The following SMARCC1 variants were observed in gnomAD, a reference collection of about 807,000 sequenced individuals.
SMARCC1 encodes the protein SWI/SNF complex subunit SMARCC1.
SMARCC1 carries 43 observed loss-of-function variants against 147.4 expected under a neutral mutation model. That is an observed-to-expected ratio of 0.29 (90% CI 0.23 to 0.38). SMARCC1 has a LOEUF of 0.38. Among genes scored for constraint, SMARCC1 ranks in the 10% least tolerant of loss-of-function variants. The pLI, the probability that SMARCC1 is intolerant of heterozygous loss-of-function variation, is 1.00. For missense variants in SMARCC1, 1,119 were observed against 1,381.1 expected (o/e 0.81, Z 3.01); for synonymous variants, 495 against 484.4 (o/e 1.02, Z -0.29).
chr3:47,767,189 GAAAAA>G (rs375076788), intron 2 of SMARCC1, among the ~76,000 whole-genome samples: 1 of 80,162 alleles, frequency 1.2e-5, no homozygotes, highest in African/African-American at 5.2e-5. Flanking sequence ...TCTCCAAAAA[GAAAAA>G]AAAAAAAAAA....
At chr3:47,768,817 T>C (rs921624665) in intron 2 of SMARCC1, among the ~76,000 whole-genome samples, 2 of 152,094 alleles carry the variant, frequency 1.3e-5, no homozygotes, top group African/African-American at 4.8e-5. Flanking sequence ...ATGGGTAAAA[T>C]GTTAACTGTA....
intron 11 of SMARCC1, 116 bp downstream of exon 11, chr3:47,701,162 T>A: frequency 1.3e-6 from 1 of 748,772 alleles, no homozygotes; most frequent in Non-Finnish European, 2.2e-6. Flanking sequence ...AAAGGGACAA[T>A]CTATTCATAC....
intron 18 of SMARCC1, among the ~76,000 whole-genome samples, chr3:47,671,197 A>AAAAAAAAAAAAACAC (rs1157129603): frequency 1.3e-4 from 8 of 62,368 alleles, no homozygotes; most frequent in South Asian, 4.5e-4. Flanking sequence ...AAAAAAAAAA[A>AAAAAAAAAAAAACAC]ACACACACAA....
In SMARCC1 at chr3:47,781,560, C is replaced by A. The variant is rs769792830; in HGVS notation, c.195+43G>T. The A allele has an allele frequency of 2.1e-5, 30 of 1,416,024 alleles. No individual in the cohort carries two copies. In the South Asian group the frequency reaches 4.1e-4, roughly 19 times the overall value. 87.7% of individuals were successfully genotyped at this position (1,416,024 alleles called of 1,614,324 possible). ...GCGAGGCCAGCTGCCGCCTCCGGCC[C>A]CGGTCGCGTGGTCTCCCGGCCCCCA... On this transcript the variant is annotated intron_variant, in intron 1 of 27. Coordinates refer to ENST00000254480, the MANE Select transcript of SMARCC1 (RefSeq NM_003074.4).
chr3:47,656,028 T>C (rs1348636820), intron 21 of SMARCC1, among the ~76,000 whole-genome samples: 3 of 152,036 alleles, frequency 2.0e-5, no homozygotes, highest in African/African-American at 7.2e-5. Flanking sequence ...CTGGCCAATA[T>C]GCTAAATTCC....
intron 21 of SMARCC1, among the ~76,000 whole-genome samples, chr3:47,647,067 C>T (rs1367161687): frequency 6.6e-6 from 1 of 152,122 alleles, no homozygotes; most frequent in Non-Finnish European, 1.5e-5. Context: ...CTCATTCTCA[C>T]ATAGATTTAG....
At chr3:47,592,215 T>A (rs1048851431) in intron 26 of SMARCC1, among the ~76,000 whole-genome samples, 10 of 152,320 alleles carry the variant, frequency 6.6e-5, no homozygotes, top group Non-Finnish European at 1.3e-4. Context: ...TTAGCCAACT[T>A]TTTCTATAAA....
intron 9 of SMARCC1, among the ~76,000 whole-genome samples, chr3:47,709,804 C>T (rs1369382451): frequency 6.6e-6 from 1 of 152,156 alleles, no homozygotes; most frequent in East Asian, 1.9e-4. Flanking sequence ...AGTGTCAAGT[C>T]GTCTTCTAGT....
At chr3:47,635,907 C>T in intron 23 of SMARCC1, 115 bp downstream of exon 23, 2 of 617,676 alleles carry the variant, frequency 3.2e-6, no homozygotes, top group Non-Finnish European at 2.8e-6. Context: ...CTTATTGTTA[C>T]ATTAAGAAAC....
chr3:47,670,798 G>A, intron 18 of SMARCC1, 81 bp from the exon 19 acceptor site: 1 of 866,026 alleles, frequency 1.2e-6, no homozygotes, highest in Non-Finnish European at 2.0e-6. Context: ...TCCAAGCTCA[G>A]GGGACTGTGT....
At chr3:47,638,976 A>T (rs531145490) in intron 21 of SMARCC1, among the ~76,000 whole-genome samples, 196 bp from the exon 22 acceptor site, 2 of 152,334 alleles carry the variant, frequency 1.3e-5, no homozygotes, top group South Asian at 2.1e-4. Context: ...GGTGAAAAGT[A>T]ATCTATGGTG....
At chr3:47,690,848 G>C (rs998592828) in intron 12 of SMARCC1, among the ~76,000 whole-genome samples, 1 of 152,168 alleles carries the variant, frequency 6.6e-6, no homozygotes, top group African/African-American at 2.4e-5. Context: ...AAATAATATG[G>C]TATTAATTAC....
At chr3:47,744,425 G>A (rs368146644) in intron 3 of SMARCC1, among the ~76,000 whole-genome samples, 1 of 152,174 alleles carries the variant, frequency 6.6e-6, no homozygotes, top group East Asian at 1.9e-4. Flanking sequence ...TATATAAAAA[G>A]TTTCAGTAAA....
Position 47,676,754 on chromosome 3 carries a change from G to C in SMARCC1, c.1600C>G (p.Leu534Val). The change falls in exon 17 of 28, where the codon CTC (leucine) becomes GTC (valine). Residue 534 changes from leucine (L) to valine (V), a missense_variant. This residue lies in a region of SMARCC1 where 178 missense variants were observed against 264.6 expected (regional missense o/e 0.67). Transcript: ENST00000254480. ...TCCGGGTCAACTTGGTAATTAACGA[G>C]TCCCCACTGCTCTAAAAAGGCATGG... is the stretch of plus-strand genomic sequence containing the variant. ...RVHAFLEQWG[L>V]VNYQVDPESR... 6.2e-7 allele frequency: 1 copy of C among 1,613,576 alleles called. No homozygotes were observed. The highest frequency in any genetic ancestry group is 8.5e-7 in the Non-Finnish European group (1 of 1,179,956).
intron 24 of SMARCC1, among the ~76,000 whole-genome samples, chr3:47,631,145 G>A (rs1283013189): frequency 1.3e-5 from 2 of 151,882 alleles, no homozygotes; most frequent in African/African-American, 2.4e-5. Flanking sequence ...GAATGAAAGA[G>A]AAAGAGAGAA....
chr3:47,687,523 T>C (rs1378233699), intron 13 of SMARCC1, among the ~76,000 whole-genome samples: 1 of 152,058 alleles, frequency 6.6e-6, no homozygotes, highest in Admixed American at 6.6e-5. Context: ...TTTTAAGATA[T>C]ATAAACGACT....
chr3:47,676,481 A>C, intron 17 of SMARCC1, 148 bp downstream of exon 17: 1 of 619,984 alleles, frequency 1.6e-6, no homozygotes, highest in Non-Finnish European at 2.7e-6. Flanking sequence ...TAATATTTAC[A>C]GTACACCAAA....
intron 1 of SMARCC1, among the ~76,000 whole-genome samples, chr3:47,775,500 G>A (rs1033351209): frequency 6.7e-6 from 1 of 149,464 alleles, no homozygotes; most frequent in African/African-American, 2.4e-5. Context: ...GCCAGGCGCG[G>A]TGGTGGCTCA....
intron 24 of SMARCC1, among the ~76,000 whole-genome samples, chr3:47,625,145 G>A (rs1428821951): frequency 2.0e-5 from 3 of 151,216 alleles, no homozygotes; most frequent in Non-Finnish European, 2.9e-5. Context: ...GTATATGTTG[G>A]AATTTTTTTT....
Sources: gnomAD v4.1 joint callset for allele counts (sites outside exome capture counted in the v4.1 genomes callset) on GRCh38, gnomAD v4.1.1 for gene constraint, gnomAD v4.1.1 regional missense constraint, MANE v1.5 for transcripts, NCBI Gene and HGNC (gene_info 2026-07-23, HGNC 2026-07-21) for gene names.